SDK2: variants seen among roughly 807,000 people sequenced by gnomAD.
The protein encoded by SDK2 is protein sidekick-2.
SDK2 carries 105 observed loss-of-function variants against 253.9 expected under a neutral mutation model. That is an observed-to-expected ratio of 0.41 (90% CI 0.35 to 0.49). The LOEUF (loss-of-function observed/expected upper bound fraction) is 0.49, where lower values mean the gene tolerates loss of function less well. Among genes scored for constraint, SDK2 ranks in the 20% least tolerant of loss-of-function variants. The pLI is 0.06. For missense variants in SDK2, 2,608 were observed against 3,003.0 expected, an observed-to-expected ratio of 0.87 and a Z score of 3.07; for synonymous variants, 1,249 against 1,234.9, an observed-to-expected ratio of 1.01 and a Z score of -0.24.
intron 2 of SDK2, among the ~76,000 whole-genome samples, chr17:73,482,307 T>G (rs2063730928): frequency 6.6e-6 from 1 of 151,022 alleles, no homozygotes; most frequent in South Asian, 2.1e-4. Flanking sequence ...TGTCTCCTGT[T>G]GGTTCTGGTT....
chr17:73,624,704 G>A (rs2046179179), intron 1 of SDK2, among the ~76,000 whole-genome samples: 1 of 152,216 alleles, frequency 6.6e-6, no homozygotes, highest in Non-Finnish European at 1.5e-5. Context: ...GAGTGATGCT[G>A]AGGCTGCCGG....
intron 1 of SDK2, among the ~76,000 whole-genome samples, chr17:73,564,840 A>C (rs1406911037): frequency 2.0e-5 from 3 of 151,958 alleles, no homozygotes; most frequent in Admixed American, 2.0e-4. Context: ...AAAACAAAAA[A>C]CAAAAACAAA....
At chr17:73,583,965 C>T (rs900015324) in intron 1 of SDK2, among the ~76,000 whole-genome samples, 5 of 152,218 alleles carry the variant, frequency 3.3e-5, no homozygotes. Context: ...ATGATAGGAC[C>T]CTGGCCACGG....
At chr17:73,451,784 C>T (rs1392828944) in intron 4 of SDK2, among the ~76,000 whole-genome samples, 1 of 152,156 alleles carries the variant, frequency 6.6e-6, no homozygotes, top group African/African-American at 2.4e-5. Flanking sequence ...ATAGACATTC[C>T]TGGGATGATG....
Position 73,405,513 on chromosome 17 carries a change from T to TAAAA in SDK2, c.2485-3373_2485-3372insTTTT, listed in dbSNP as rs796224163. Among the ~76,000 whole-genome samples the TAAAA allele has an allele frequency of 1.8e-4, 4 of 22,030 alleles. 1 individual carries two copies. The highest frequency in any genetic ancestry group is 8.1e-5 in the Non-Finnish European group (1 of 12,318). 14.5% of individuals were successfully genotyped at this position (22,030 alleles called of 152,430 possible). On this transcript the variant is annotated intron_variant, in intron 18 of 44. Transcript: ENST00000392650. The stretch of plus-strand genomic sequence containing the variant: ...ATATATATATATATATATATATATA[T>TAAAA]ATATAAAGATCGAGAATGTGGAAAG...
chr17:73,572,822 C>T (rs545991188), intron 1 of SDK2, among the ~76,000 whole-genome samples: 1 of 152,186 alleles, frequency 6.6e-6, no homozygotes. Flanking sequence ...CCATCTACTC[C>T]TCCACCCCAA....
chr17:73,360,414 G>A (rs780249893), intron 39 of SDK2, among the ~76,000 whole-genome samples: 7 of 152,144 alleles, frequency 4.6e-5, no homozygotes, highest in African/African-American at 1.4e-4. Context: ...GGAGGCCTGC[G>A]CCATTCTTGG....
At chr17:73,580,815 C>T (rs935755412) in intron 1 of SDK2, among the ~76,000 whole-genome samples, 1 of 152,170 alleles carries the variant, frequency 6.6e-6, no homozygotes, top group African/African-American at 2.4e-5. Flanking sequence ...ATATACTTAC[C>T]ACTGAACATC....
In SDK2 at chr17:73,525,285, T is replaced by G. The variant is rs1423407958; in HGVS notation, c.65-17688A>C. Among the ~76,000 whole-genome samples, 2 of 151,646 alleles carry G rather than the reference T, an allele frequency of 1.3e-5. 1 individual carries two copies. Among genetic ancestry groups the G allele is most frequent in the Non-Finnish European group, 2.9e-5 (2 of 67,950 alleles). ...CTCGAGGGGGTGAACGCCAGGAGGG[T>G]CCTAGGAGATCTTTGCTCACTCTAG... is the stretch of plus-strand genomic sequence containing the variant. On this transcript the variant is annotated intron_variant, in intron 1 of 44. Transcript: ENST00000392650.
At chr17:73,518,526 A>G (rs2064049571) in intron 1 of SDK2, 1 of 152,196 alleles carries the variant, frequency 6.6e-6, no homozygotes, top group Non-Finnish European at 1.5e-5. Context: ...CCACACAGGT[A>G]AACAGGGCCA....
intron 3 of SDK2, among the ~76,000 whole-genome samples, chr17:73,469,988 GCGCGCACACACA>G (rs1290841136): frequency 5.3e-5 from 6 of 112,456 alleles, no homozygotes; most frequent in South Asian, 3.2e-4. Flanking sequence ...GACTGCGCGC[GCGCGCACACACA>G]CACACACACA....
At chr17:73,345,263 G>C (rs2062473047) in intron 44 of SDK2, among the ~76,000 whole-genome samples, 1 of 151,842 alleles carries the variant, frequency 6.6e-6, no homozygotes, top group Admixed American at 6.6e-5. Context: ...AGATTGCAGT[G>C]AGCTGAGATC....
intron 1 of SDK2, among the ~76,000 whole-genome samples, chr17:73,552,704 G>C (rs1314968746): frequency 6.6e-6 from 1 of 152,230 alleles, no homozygotes; most frequent in Non-Finnish European, 1.5e-5. Flanking sequence ...CGGCCAGGCT[G>C]ACTGCAGAGC....
chr17:73,545,872 C>G (rs1243037321), intron 1 of SDK2, among the ~76,000 whole-genome samples: 1 of 152,152 alleles, frequency 6.6e-6, no homozygotes, highest in East Asian at 1.9e-4. Flanking sequence ...CGGCTGGGGT[C>G]AGTTCCTCCT....
At chr17:73,343,957 G>A (rs1169602785) in intron 44 of SDK2, among the ~76,000 whole-genome samples, 1 of 152,198 alleles carries the variant, frequency 6.6e-6, no homozygotes, top group African/African-American at 2.4e-5. Context: ...CACGGTCCCA[G>A]GGGCTCTGCA....
At chr17:73,354,058 T>C (rs1010601981) in intron 40 of SDK2, among the ~76,000 whole-genome samples, 4 of 152,122 alleles carry the variant, frequency 2.6e-5, no homozygotes, top group African/African-American at 9.7e-5. Flanking sequence ...AAAAATTGTT[T>C]TGAGATAGGG....
chr17:73,444,982 T>C (rs571412052), intron 5 of SDK2, among the ~76,000 whole-genome samples: 16 of 152,338 alleles, frequency 1.1e-4, no homozygotes, highest in Admixed American at 7.2e-4. Context: ...TTTAACTAAT[T>C]TACATTTAAT....
chr17:73,442,619 G>GAT (rs1385978114), intron 5 of SDK2, among the ~76,000 whole-genome samples: 4 of 152,122 alleles, frequency 2.6e-5, no homozygotes, highest in Non-Finnish European at 5.9e-5. Flanking sequence ...GGGATTATGG[G>GAT]TGTGAGCCAC....
chr17:73,523,943 C>A (rs915067119), intron 1 of SDK2, among the ~76,000 whole-genome samples: 3 of 152,158 alleles, frequency 2.0e-5, no homozygotes. Flanking sequence ...ATTTCTGTAC[C>A]TTCAGTCCTT....
Sources: allele counts gnomAD v4.1 joint callset (sites outside exome capture counted in the v4.1 genomes callset), GRCh38; gene constraint gnomAD v4.1.1; transcripts MANE v1.5; gene names NCBI Gene and HGNC (gene_info 2026-07-23, HGNC 2026-07-21).